The following ZNF496 variants were observed in gnomAD, a reference collection of about 807,000 sequenced individuals.
ZNF496 encodes the protein NSD1 (nuclear receptor binding SET-domain containing 1)-interacting zinc finger protein 1.
ZNF496 carries 11 observed loss-of-function variants against 58.9 expected under a neutral mutation model. The ratio of observed to expected loss-of-function variants is 0.19; its 90% CI spans 0.12 to 0.31. The LOEUF (loss-of-function observed/expected upper bound fraction) is 0.31. ZNF496 is among the 10% of genes least tolerant of loss of function. The pLI is 1.00. For missense variants in ZNF496, 660 were observed against 783.0 expected (o/e 0.84, Z 1.88); for synonymous variants, 338 against 318.2 (o/e 1.06, Z -0.66).
intron 9 of ZNF496, chr1:247,307,090 A>G: frequency 1.2e-5 from 12 of 985,300 alleles, no homozygotes; most frequent in Non-Finnish European, 1.4e-5. Context: ...AAGATATTCC[A>G]CCTCAGTGGC....
At chr1:247,307,226 G>A (rs1489646716) in intron 9 of ZNF496, 1 of 985,296 alleles carries the variant, frequency 1.0e-6, no homozygotes, top group Non-Finnish European at 1.2e-6. Flanking sequence ...AAGCCTTTTA[G>A]GAAGGCAAGC....
At position 247,309,644 on chromosome 1, in the gene ZNF496, C is replaced by T. The variant is rs1011920575; in HGVS notation, c.892+55G>A. The T allele has an allele frequency of 6.2e-7, 1 of 1,603,348 alleles. No homozygotes were observed. Among genetic ancestry groups the T allele is most frequent in the Non-Finnish European group, 8.5e-7 (1 of 1,174,012 alleles). Reference sequence around the variant, plus strand: ...AGCCAGAGAGTGGGCTCACCTCCGGCTGCCAGCAACCCTTCCCCCTACTCT... The same window carrying T: ...AGCCAGAGAGTGGGCTCACCTCCGGTTGCCAGCAACCCTTCCCCCTACTCT... On this transcript the variant is annotated intron_variant, in intron 8 of 9. Transcript: ENST00000682384. The surrounding 1 kb of genome is among the most constrained non-coding windows in gnomAD (Gnocchi z 4.3).
chr1:247,301,361 G>C (rs865778672), intron 9 of ZNF496, 85 bp from the exon 10 acceptor site: 2 of 1,460,502 alleles, frequency 1.4e-6, no homozygotes, highest in South Asian at 1.5e-5. Flanking sequence ...CACTCAGCTT[G>C]GAGTTTACAA....
chr1:247,323,263 G>T, intron 5 of ZNF496, 33 bp from the exon 6 acceptor site: 1 of 1,550,504 alleles, frequency 6.4e-7, no homozygotes, highest in Non-Finnish European at 8.9e-7. Flanking sequence ...GTCCTAAAGT[G>T]GGCCAGGGCC....
intron 5 of ZNF496, among the ~76,000 whole-genome samples, chr1:247,328,011 A>G (rs923572782): frequency 2.6e-5 from 4 of 152,230 alleles, no homozygotes; most frequent in African/African-American, 9.7e-5. Context: ...AAAAACCCCA[A>G]AAAAGGTAAT....
chr1:247,313,743 T>G (rs1284584332), intron 6 of ZNF496: 1 of 152,176 alleles, frequency 6.6e-6, no homozygotes, highest in African/African-American at 2.4e-5. Context: ...ACTGAAAACC[T>G]TGACACACAT....
Position 247,309,992 on chromosome 1 carries a change from G to A in ZNF496, c.785-186C>T. ...GGCAGCACACGCAGGGAGAGCTATG[G>A]GCTTGGGGGTCTCTCTGAGGCTTTC... On this transcript the variant is annotated intron_variant, in intron 7 of 9. Transcript: ENST00000682384. The surrounding 1 kb of genome is among the most constrained non-coding windows in gnomAD (Gnocchi z 4.3). The A allele has an allele frequency of 7.3e-7, 1 of 1,372,218 alleles. No homozygotes were observed. Among genetic ancestry groups the A allele is most frequent in the Non-Finnish European group, 9.6e-7 (1 of 1,042,172 alleles). 85.0% of individuals were successfully genotyped at this position (1,372,218 alleles called of 1,614,324 possible).
chr1:247,316,205 G>A (rs1342352782), intron 6 of ZNF496, among the ~76,000 whole-genome samples: 7 of 25,360 alleles, frequency 2.8e-4, no homozygotes, highest in Non-Finnish European at 6.8e-4. Flanking sequence ...GTGTGTGTGC[G>A]CGCGCGTGCG....
intron 6 of ZNF496, among the ~76,000 whole-genome samples, chr1:247,321,376 A>G (rs10754543): frequency 0.63 from 95,600 of 151,994 alleles, 30,539 homozygotes; most frequent in East Asian, 0.85. Flanking sequence ...AGGGTAAATG[A>G]GGAGTTATTA....
intron 5 of ZNF496, among the ~76,000 whole-genome samples, chr1:247,326,049 TACACAC>T (rs141893407): frequency 3.1e-5 from 3 of 95,316 alleles, no homozygotes; most frequent in South Asian, 4.9e-4. Context: ...TATATATATA[TACACAC>T]ACACACACAT....
At chr1:247,331,075 C>G (rs1328174759) in intron 2 of ZNF496, among the ~76,000 whole-genome samples, 1 of 152,200 alleles carries the variant, frequency 6.6e-6, no homozygotes, top group Non-Finnish European at 1.5e-5. Context: ...CGGCGCCCAT[C>G]ACACACCTGC....
rs1231400789 is a variant in ZNF496 at position 247,308,424 on chromosome 1, C to CACATACACATACACACACATACAT, written c.1006+50_1006+51insATGTATGTGTGTGTATGTGTATGT. ...CACATGCATACATACATTCATGCGA[C>CACATACACATACACACACATACAT]ACACCACAGACACACAGGGACAAAC... On this transcript the variant is annotated intron_variant, in intron 9 of 9. Transcript: ENST00000682384. The surrounding 1 kb of genome is among the most constrained non-coding windows in gnomAD (Gnocchi z 4.5). 1.3e-6 allele frequency: 2 copies of CACATACACATACACACACATACAT among 1,532,196 alleles called. No individual in the cohort carries two copies. The highest frequency in any genetic ancestry group is 1.8e-6 in the Non-Finnish European group (2 of 1,106,804). 94.9% of individuals were successfully genotyped at this position (1,532,196 alleles called of 1,614,324 possible).
At chr1:247,304,887 A>G (rs896063584) in intron 9 of ZNF496, among the ~76,000 whole-genome samples, 1 of 152,052 alleles carries the variant, frequency 6.6e-6, no homozygotes, top group South Asian at 2.1e-4. Context: ...TGAGATGTTG[A>G]TATTTAGATG....
intron 6 of ZNF496, among the ~76,000 whole-genome samples, chr1:247,315,858 A>C (rs1659750348): frequency 1.3e-5 from 2 of 151,934 alleles, no homozygotes; most frequent in South Asian, 4.2e-4. Flanking sequence ...CTTAGTAAAA[A>C]CTCTGACTCA....
chr1:247,322,620 T>G (rs901797023), intron 6 of ZNF496: 6 of 891,886 alleles, frequency 6.7e-6, no homozygotes, highest in Non-Finnish European at 9.4e-6. Context: ...TGACTCTGAC[T>G]CCTCAGAGCA....
At chr1:247,328,925 C>T in intron 4 of ZNF496, 59 bp from the exon 5 acceptor site, 1 of 1,530,004 alleles carries the variant, frequency 6.5e-7, no homozygotes, top group East Asian at 2.3e-5. Context: ...TCTCCCTGGG[C>T]CTGGTGACCA....
intron 4 of ZNF496, 62 bp from the exon 5 acceptor site, chr1:247,328,928 G>A (rs961898399): frequency 1.3e-6 from 2 of 1,528,064 alleles, no homozygotes; most frequent in Admixed American, 4.1e-5. Context: ...CCCTGGGCCT[G>A]GTGACCATCC....
chr1:247,308,792 C>T lies in ZNF496; in HGVS notation c.893-204G>A. The T allele has an allele frequency of 1.8e-6, 1 of 547,346 alleles. No individual in the cohort carries two copies. The highest frequency in any genetic ancestry group is 3.3e-6 in the Non-Finnish European group (1 of 303,804). The allele number at this position is 547,346 out of a possible 1,614,324, so 33.9% of individuals were successfully genotyped here. A position where few individuals can be genotyped will look rare whatever the true frequency, so the allele number is the denominator to read the frequency against. ...AATGGGCCAACTCCACAAACATGAG[C>T]TCTGACGCTAGACAGAATCGACGTA... On this transcript the variant is annotated intron_variant, in intron 8 of 9. Coordinates refer to ENST00000682384, the MANE Select transcript of ZNF496 (RefSeq NM_032752.3). The surrounding 1 kb of genome is among the most constrained non-coding windows in gnomAD (Gnocchi z 4.5).
chr1:247,311,457 A>G (rs973076339), intron 6 of ZNF496: 11 of 150,566 alleles, frequency 7.3e-5, no homozygotes, highest in Non-Finnish European at 1.3e-4. Flanking sequence ...ACACACACAC[A>G]CACACATATA....
Sources: allele counts gnomAD v4.1 joint callset (sites outside exome capture counted in the v4.1 genomes callset), GRCh38; gene constraint gnomAD v4.1.1; non-coding constraint Gnocchi (gnomAD v3.1); transcripts MANE v1.5; gene names NCBI Gene and HGNC (gene_info 2026-07-23, HGNC 2026-07-21).